PNPLA1: variants seen among roughly 807,000 people sequenced by gnomAD.
PNPLA1 encodes the protein patatin like domain 1, omega-hydroxyceramide transacylase, also known as omega-hydroxyceramide transacylase.
Under a neutral mutation model 51.7 loss-of-function variants are expected in PNPLA1, and 36 were observed. That is an observed-to-expected ratio of 0.70 (90% confidence interval 0.53 to 0.92). The LOEUF (loss-of-function observed/expected upper bound fraction) is 0.92. Among genes scored for constraint, PNPLA1 ranks in the 40% least tolerant of loss-of-function variants. The pLI is 0.00. For missense variants in PNPLA1, 658 were observed against 682.5 expected, an observed-to-expected ratio of 0.96 and a Z score of 0.40; for synonymous variants, 293 against 280.1, an observed-to-expected ratio of 1.05 and a Z score of -0.46.
chr6:36,307,529 A>G lies in PNPLA1; in HGVS notation c.1470-58A>G. 3.1e-6 allele frequency: 5 copies of G among 1,590,686 alleles called. No homozygotes were observed. The South Asian group carries it at 3.4e-5, about 11-fold the overall frequency. ...CACCTGCGGAGCTGAGCAGGCCACCATGTTGGAGGACCGAGGTCAGGCCCA... is the reference window on the plus strand; with the variant it reads ...CACCTGCGGAGCTGAGCAGGCCACCGTGTTGGAGGACCGAGGTCAGGCCCA... On this transcript the variant is annotated intron_variant, in intron 7 of 8. Transcript: ENST00000636260.
At position 36,297,339 on chromosome 6, in the gene PNPLA1, T is replaced by C. The variant is rs73421656; in HGVS notation, c.775+1915T>C. Reference sequence around the variant, plus strand: ...GATTTGGTGGGACTGGATTTTTCTCTCTGCATCAGATGTGAACAGGAACTA... The same window carrying C: ...GATTTGGTGGGACTGGATTTTTCTCCCTGCATCAGATGTGAACAGGAACTA... On this transcript the variant is annotated intron_variant, in intron 5 of 8. Transcript: ENST00000636260. Among the ~76,000 whole-genome samples, 1,433 of 152,268 alleles carry C rather than the reference T, an allele frequency of 9.4e-3. 24 individuals carry two copies. The highest frequency in any genetic ancestry group is 0.043 in the South Asian group (205 of 4,822).
At chr6:36,247,074 C>A (rs1582018562) in intron 1 of PNPLA1, among the ~76,000 whole-genome samples, 1 of 152,142 alleles carries the variant, frequency 6.6e-6, no homozygotes, top group African/African-American at 2.4e-5. Context: ...GCCGATGGTG[C>A]CCTGGCCTCC....
chr6:36,311,037 G>C (rs1284740718), intron 8 of PNPLA1, among the ~76,000 whole-genome samples: 2 of 152,186 alleles, frequency 1.3e-5, no homozygotes, highest in Non-Finnish European at 2.9e-5. Flanking sequence ...GCAGAGAGAG[G>C]GTATCTGAAT....
intron 1 of PNPLA1, among the ~76,000 whole-genome samples, chr6:36,251,964 A>C (rs1445771421): frequency 6.6e-6 from 1 of 152,158 alleles, no homozygotes; most frequent in African/African-American, 2.4e-5. Flanking sequence ...AAAAAGACCT[A>C]GCCAAAACTG....
rs975551743 is a variant in PNPLA1, at chr6:36,301,963, G to A, written c.878G>A (p.Ser293Asn). ...LALGNECPER[S>N]QPSLRARQAS... ...CTTGGCAATGAGTGCCCTGAACGCA[G>A]TCAACCAAGCCTTCGAGCACGGCAG... The change falls in exon 6 of 9, where the codon AGT becomes AAT. Residue 293 changes from serine to asparagine, a missense_variant. Coordinates refer to ENST00000636260, the MANE Select transcript of PNPLA1 (RefSeq NM_001374623.1). 5 of 1,614,226 alleles carry A rather than the reference G, an allele frequency of 3.1e-6. No individual in the cohort carries two copies. Among genetic ancestry groups the A allele is most frequent in the African/African-American group, 1.3e-5 (1 of 75,056 alleles).
rs143973164 is a variant in PNPLA1, at chr6:36,259,421, A to T, written c.-81+16160A>T. ...AAGAAAAAAAATACTGAAAAGGTGA[A>T]GTAAATATACTAGTAAAGACTATTT... is the stretch of plus-strand genomic sequence containing the variant. On this transcript the variant is annotated intron_variant, in intron 1 of 7. Transcript: ENST00000312917. Among the ~76,000 whole-genome samples, 452 of 152,312 alleles carry T rather than the reference A, an allele frequency of 3.0e-3. 2 individuals are homozygous for T. Among genetic ancestry groups the T allele is most frequent in the African/African-American group, 0.01 (420 of 41,566 alleles).
At chr6:36,300,735 A>G (rs547930526) in intron 5 of PNPLA1, among the ~76,000 whole-genome samples, 1 of 151,870 alleles carries the variant, frequency 6.6e-6, no homozygotes, top group South Asian at 2.1e-4. Context: ...ATTGTGAAGT[A>G]CTCTTTCTCC....
At chr6:36,300,819 C>G (rs968609482) in intron 5 of PNPLA1, among the ~76,000 whole-genome samples, 6 of 152,144 alleles carry the variant, frequency 3.9e-5, no homozygotes, top group African/African-American at 1.2e-4. Context: ...AAGTTATGCT[C>G]CACTTCCTAA....
chr6:36,302,508 T>C (rs1771094871), intron 6 of PNPLA1, 39 bp downstream of exon 6: 4 of 1,512,632 alleles, frequency 2.6e-6, no homozygotes, highest in Non-Finnish European at 3.5e-6. Context: ...TTCTCATGCC[T>C]GGAGCCCCTT....
Position 36,300,287 on chromosome 6 carries a change from C to T in PNPLA1, c.776-1574C>T, listed in dbSNP as rs57244179. ...TTGGCTCACTGCAAGCTCCACCTCC[C>T]GGGTTCATGCCATTCTCCTGCCTCA... On this transcript the variant is annotated intron_variant, in intron 5 of 8. Coordinates refer to ENST00000636260, the MANE Select transcript of PNPLA1 (RefSeq NM_001374623.1). Among the ~76,000 whole-genome samples, 1,249 of 151,164 alleles carry T rather than the reference C, an allele frequency of 8.3e-3. 13 individuals are homozygous for T. Among genetic ancestry groups the T allele is most frequent in the African/African-American group, 0.028 (1,133 of 40,738 alleles).
chr6:36,266,569 T>TG (rs1769765607), upstream of PNPLA1, among the ~76,000 whole-genome samples: 1 of 151,522 alleles, frequency 6.6e-6, no homozygotes, highest in African/African-American at 2.4e-5. Context: ...TCCAGGGGGG[T>TG]GGGGTCTGAT....
At position 36,312,678 on chromosome 6, in the gene PNPLA1, C is replaced by A. The variant is rs1225665078; in HGVS notation, c.*792C>A. Among the ~76,000 whole-genome samples the A allele has an allele frequency of 6.6e-6, 1 of 152,172 alleles. No homozygotes were observed. The highest frequency in any genetic ancestry group is 1.9e-4 in the East Asian group (1 of 5,200). Reference sequence around the variant, plus strand: ...CCCTGACTCTGGGCCCTTTTGAGGACCAGGGGCAACACCTATTCCCAGCCC... The same window carrying A: ...CCCTGACTCTGGGCCCTTTTGAGGAACAGGGGCAACACCTATTCCCAGCCC... On this transcript the variant is annotated 3_prime_UTR_variant, in exon 9 of 9. Transcript: ENST00000636260.
intron 1 of PNPLA1, among the ~76,000 whole-genome samples, chr6:36,252,415 G>A (rs1769439780): frequency 6.6e-6 from 1 of 152,126 alleles, no homozygotes; most frequent in Admixed American, 6.5e-5. Flanking sequence ...GCAGCCCTGA[G>A]CGCAGACCTT....
At chr6:36,261,092 G>A (rs1769637585) in intron 1 of PNPLA1, among the ~76,000 whole-genome samples, 1 of 152,220 alleles carries the variant, frequency 6.6e-6, no homozygotes. Context: ...GCTTCCCAAA[G>A]TGCTGGGATT....
At chr6:36,273,346 C>T (rs1467042054) in intron 1 of PNPLA1, among the ~76,000 whole-genome samples, 1 of 152,068 alleles carries the variant, frequency 6.6e-6, no homozygotes, top group Admixed American at 6.6e-5. Flanking sequence ...CTCCTCTAGC[C>T]AGTGTTAAGG....
upstream of PNPLA1, among the ~76,000 whole-genome samples, chr6:36,268,959 G>A (rs1769829590): frequency 1.3e-5 from 2 of 150,074 alleles, no homozygotes; most frequent in South Asian, 2.1e-4. Flanking sequence ...GCACACACAT[G>A]CACACATGCA....
rs559381304 is a variant in PNPLA1, at chr6:36,291,517, G to C, written c.403G>C (p.Val135Leu). Residue 135 changes from valine (V) to leucine (L), a missense_variant, in exon 2 of 9, where the codon GTT becomes CTT. By Grantham distance (32) the Val-to-Leu change is conservative (BLOSUM62 1). Transcript: ENST00000636260. The stretch of plus-strand genomic sequence containing the variant: ...CTTAACGGACGGGGAGAATGTGGTG[G>C]TTTCAGAGTTCACGTCCAAGGAGGA... Reference protein sequence around the residue: ...TRLTDGENVVVSEFTSKEELI... With the variant: ...TRLTDGENVVLSEFTSKEELI... 1.5e-6 allele frequency: 2 copies of C among 1,339,438 alleles called. No individual in the cohort carries two copies. Among genetic ancestry groups the C allele is most frequent in the South Asian group, 1.1e-5 (1 of 87,524 alleles). The allele number at this position is 1,339,438 out of a possible 1,614,324, so 83.0% of individuals were successfully genotyped here. A position where few individuals can be genotyped will look rare whatever the true frequency, so the allele number is the denominator to read the frequency against.
chr6:36,250,486 AC>A (rs1357691867), intron 1 of PNPLA1, among the ~76,000 whole-genome samples: 2 of 152,106 alleles, frequency 1.3e-5, no homozygotes, highest in Non-Finnish European at 2.9e-5. Context: ...TGAAAATACC[AC>A]CACCACCCAT....
chr6:36,309,279 C>T (rs1301659464), intron 8 of PNPLA1, among the ~76,000 whole-genome samples: 2 of 152,158 alleles, frequency 1.3e-5, no homozygotes, highest in Non-Finnish European at 2.9e-5. Flanking sequence ...AGGACGGCAG[C>T]TCGAGGTCCC....
Sources: allele counts gnomAD v4.1 joint callset (sites outside exome capture counted in the v4.1 genomes callset), GRCh38; gene constraint gnomAD v4.1.1; transcripts MANE v1.5; gene names NCBI Gene and HGNC (gene_info 2026-07-23, HGNC 2026-07-21).